Variants in CNTNAP2 observed in about 807,000 individuals in gnomAD.
CNTNAP2 encodes contactin associated protein 2.
A neutral mutation model predicts 155.2 loss-of-function variants in CNTNAP2; 98 were observed. The observed-to-expected ratio is 0.63, with a 90% confidence interval of 0.54 to 0.75. The LOEUF (loss-of-function observed/expected upper bound fraction) is 0.75. Among genes scored for constraint, CNTNAP2 ranks in the 30% least tolerant of loss-of-function variants. CNTNAP2 has a pLI of 0.00. For synonymous variants in CNTNAP2, 651 were observed against 631.2 expected (o/e 1.03, Z -0.47); for missense variants, 1,727 against 1,688.1 (o/e 1.02, Z -0.40).
chr7:147,573,189 G>A (rs1407126182), intron 12 of CNTNAP2, among the ~76,000 whole-genome samples: 1 of 152,138 alleles, frequency 6.6e-6, no homozygotes, highest in Non-Finnish European at 1.5e-5. Flanking sequence ...TCTCATTAAT[G>A]AAGAATGAAA....
chr7:147,179,156 T>A (rs1234317934), intron 8 of CNTNAP2, among the ~76,000 whole-genome samples: 1 of 152,212 alleles, frequency 6.6e-6, no homozygotes. Flanking sequence ...GTAATTCCAA[T>A]AAATTCATTA....
chr7:147,908,453 A>G (rs559390203), intron 14 of CNTNAP2, among the ~76,000 whole-genome samples: 1 of 152,312 alleles, frequency 6.6e-6, no homozygotes, highest in African/African-American at 2.4e-5. Flanking sequence ...GTCTGGGCAT[A>G]GGTGCCTGCT....
chr7:148,359,477 C>T (rs1328484492), intron 21 of CNTNAP2, among the ~76,000 whole-genome samples: 4 of 152,320 alleles, frequency 2.6e-5, no homozygotes, highest in South Asian at 2.1e-4. Context: ...GAGTGGCATC[C>T]GTGTGACATA....
At chr7:147,262,535 T>G (rs1447589902) in intron 8 of CNTNAP2, among the ~76,000 whole-genome samples, 1 of 152,098 alleles carries the variant, frequency 6.6e-6, no homozygotes, top group Non-Finnish European at 1.5e-5. Context: ...CCTGGCGCGG[T>G]GGCTCACGCC....
At chr7:146,399,180 T>C (rs993542263) in intron 1 of CNTNAP2, among the ~76,000 whole-genome samples, 1 of 152,196 alleles carries the variant, frequency 6.6e-6, no homozygotes, top group Non-Finnish European at 1.5e-5. Context: ...ACATAATTTT[T>C]GGGGGGTAAT....
intron 11 of CNTNAP2, among the ~76,000 whole-genome samples, chr7:147,534,741 T>G (rs1799509726): frequency 6.6e-6 from 1 of 152,178 alleles, no homozygotes; most frequent in South Asian, 2.1e-4. Context: ...ATAATTTCCT[T>G]TGATTCTCAC....
chr7:147,329,588 T>TA (rs1319904971), intron 9 of CNTNAP2, among the ~76,000 whole-genome samples: 1 of 152,120 alleles, frequency 6.6e-6, no homozygotes, highest in African/African-American at 2.4e-5. Context: ...TGTAAGTGTG[T>TA]AAGCATCTCT....
intron 18 of CNTNAP2, among the ~76,000 whole-genome samples, chr7:148,197,111 GA>G (rs1019283377): frequency 6.6e-6 from 1 of 151,938 alleles, no homozygotes; most frequent in African/African-American, 2.4e-5. Context: ...CACACAAAGG[GA>G]AAAAAATCAT....
chr7:146,816,181 T>C (rs1228988265), intron 2 of CNTNAP2, among the ~76,000 whole-genome samples: 2 of 152,156 alleles, frequency 1.3e-5, no homozygotes, highest in Non-Finnish European at 2.9e-5. Context: ...TTTGGGTTGG[T>C]TCCAAGTACT....
chr7:146,398,707 G>A (rs889279596), intron 1 of CNTNAP2, among the ~76,000 whole-genome samples: 9 of 152,082 alleles, frequency 5.9e-5, no homozygotes, highest in African/African-American at 2.2e-4. Flanking sequence ...TTTGAAATAT[G>A]TCTCTTGATA....
intron 8 of CNTNAP2, among the ~76,000 whole-genome samples, chr7:147,154,391 C>T (rs1801883126): frequency 6.6e-6 from 1 of 152,084 alleles, no homozygotes; most frequent in Admixed American, 6.6e-5. Flanking sequence ...ATAGGTTATA[C>T]AAAATTATGG....
At chr7:147,393,629 G>A (rs992391978) in intron 9 of CNTNAP2, among the ~76,000 whole-genome samples, 7 of 151,866 alleles carry the variant, frequency 4.6e-5, no homozygotes, top group East Asian at 3.9e-4. Context: ...ATGTGTGCAC[G>A]CAACTGGTAT....
intron 15 of CNTNAP2, among the ~76,000 whole-genome samples, chr7:148,090,791 G>C (rs1188001451): frequency 5.9e-5 from 9 of 152,182 alleles, no homozygotes; most frequent in Non-Finnish European, 1.2e-4. Context: ...AGAGATAAGT[G>C]CACTCCTATG....
chr7:147,537,996 T>C (rs1424971051), intron 11 of CNTNAP2, among the ~76,000 whole-genome samples: 1 of 152,138 alleles, frequency 6.6e-6, no homozygotes, highest in Non-Finnish European at 1.5e-5. Flanking sequence ...AAACATTTAT[T>C]TACAGACCAC....
intron 13 of CNTNAP2, among the ~76,000 whole-genome samples, chr7:147,648,679 G>A (rs1795405633): frequency 6.6e-6 from 1 of 152,124 alleles, no homozygotes; most frequent in African/African-American, 2.4e-5. Context: ...TCACTATCAT[G>A]AGAGTAGCAC....
chr7:148,328,516 C>T (rs1215286292), intron 21 of CNTNAP2, among the ~76,000 whole-genome samples: 2 of 122,036 alleles, frequency 1.6e-5, no homozygotes, highest in Non-Finnish European at 3.5e-5. Flanking sequence ...GTTCAATAGG[C>T]CTTGGGGCCA....
chr7:147,276,953 G>A (rs1804909068), intron 8 of CNTNAP2, among the ~76,000 whole-genome samples: 1 of 151,998 alleles, frequency 6.6e-6, no homozygotes, highest in South Asian at 2.1e-4. Context: ...GTTGTCAGTA[G>A]TGACAATAAT....
rs1797487951 is a variant in CNTNAP2 at position 146,512,862 on chromosome 7, A to T, written c.98-261409A>T. Reference sequence around the variant, plus strand: ...TGTTCATTAATTTTCTGTCTGGATGATCTGTCCATTACTGGTAGGGGGTTA... The same window carrying T: ...TGTTCATTAATTTTCTGTCTGGATGTTCTGTCCATTACTGGTAGGGGGTTA... On this transcript the variant is annotated intron_variant, in intron 1 of 23. Coordinates refer to ENST00000361727, the MANE Select transcript of CNTNAP2 (RefSeq NM_014141.6). Among the ~76,000 whole-genome samples, 2 of 151,888 alleles carry T rather than the reference A, an allele frequency of 1.3e-5. 1 individual carries two copies. Among genetic ancestry groups the T allele is most frequent in the East Asian group, 3.9e-4 (2 of 5,186 alleles).
At chr7:147,640,557 A>G (rs907309078) in intron 13 of CNTNAP2, among the ~76,000 whole-genome samples, 2 of 152,216 alleles carry the variant, frequency 1.3e-5, no homozygotes, top group Non-Finnish European at 1.5e-5. Context: ...GCCCCAAAAC[A>G]GCAATGAATT....
Sources: allele counts gnomAD v4.1 joint callset (sites outside exome capture counted in the v4.1 genomes callset), GRCh38; gene constraint gnomAD v4.1.1; transcripts MANE v1.5; gene names NCBI Gene and HGNC (gene_info 2026-07-23, HGNC 2026-07-21).